HMGN5: variants seen among roughly 807,000 people sequenced by gnomAD.
HMGN5 encodes high mobility group nucleosome-binding domain-containing protein 5.
A neutral mutation model predicts 9.5 loss-of-function variants in HMGN5; 4 were observed. The observed-to-expected ratio is 0.42, with a 90% confidence interval of 0.21 to 0.96. The LOEUF (loss-of-function observed/expected upper bound fraction) is 0.96, where lower values mean the gene tolerates loss of function less well. Among genes scored for constraint, HMGN5 ranks in the 40% least tolerant of loss-of-function variants. The probability of loss-of-function intolerance (pLI) is 0.30; values close to 1 mark genes in which losing one functional copy is unlikely to be tolerated. For missense variants in HMGN5, 192 were observed against 187.5 expected, an observed-to-expected ratio of 1.02 and a Z score of -0.14; for synonymous variants, 55 against 57.1, an observed-to-expected ratio of 0.96 and a Z score of 0.16.
chrX:81,116,302 C>G lies in HMGN5; in HGVS notation c.169G>C (p.Asp57His). 1 of 1,191,628 alleles carries G rather than the reference C, an allele frequency of 8.4e-7. No individual in the cohort carries two copies. ...TKSDMMEENIDTSAQAVAETK... is the reference protein window; with the variant it reads ...TKSDMMEENIHTSAQAVAETK... ...TCAGCAACTGCTTGGGCACTTGTAT[C>G]TATGTTTTCTTCCATCATATCACTT... The change falls in exon 6 of 7, where the codon GAT (aspartate) becomes CAT (histidine). Residue 57 changes from aspartate to histidine, a missense_variant. By Grantham distance (81) the Asp-to-His change is moderately conservative (BLOSUM62 -1). Transcript: ENST00000358130.
chrX:81,186,779 C>A (rs1216316022), intron 1 of HMGN5, among the ~76,000 whole-genome samples: 1 of 111,244 alleles, frequency 9.0e-6, no homozygotes, highest in Admixed American at 9.6e-5. Flanking sequence ...ATAAGCACAT[C>A]TTTACAATAA....
At chrX:81,117,044 TAA>T (rs1052273845) in intron 5 of HMGN5, among the ~76,000 whole-genome samples, 2 of 110,767 alleles carry the variant, frequency 1.8e-5, no homozygotes, top group Non-Finnish European at 3.8e-5. Flanking sequence ...TTTTCATATA[TAA>T]AAAGAGAGTA....
chrX:81,146,219 C>T (rs1429248161), intron 1 of HMGN5, among the ~76,000 whole-genome samples: 1 of 111,935 alleles, frequency 8.9e-6, no homozygotes, highest in African/African-American at 3.2e-5. Context: ...CACCACATCA[C>T]ACTTATTCTA....
intron 1 of HMGN5, among the ~76,000 whole-genome samples, chrX:81,181,965 G>A (rs1020864672): frequency 6.3e-5 from 7 of 111,536 alleles, no homozygotes; most frequent in Non-Finnish European, 5.6e-5. Flanking sequence ...ATATACCTAG[G>A]AGTGGGATTG....
At chrX:81,182,856 TGGAACTGGGTAATG>T (rs2075466681) in intron 1 of HMGN5, among the ~76,000 whole-genome samples, 1 of 111,506 alleles carries the variant, frequency 9.0e-6, no homozygotes, top group South Asian at 3.8e-4. Context: ...ATTGTAGAAG[TGGAACTGGGTAATG>T]GGAACTGGGT....
chrX:81,184,031 C>T (rs1325886975), intron 1 of HMGN5, among the ~76,000 whole-genome samples: 1 of 111,309 alleles, frequency 9.0e-6, no homozygotes, highest in African/African-American at 3.3e-5. Context: ...TTGGGAAGGC[C>T]TGATTGTATT....
At chrX:81,175,693 G>T in intron 1 of HMGN5, among the ~76,000 whole-genome samples, 1 of 110,904 alleles carries the variant, frequency 9.0e-6, no homozygotes, top group African/African-American at 3.3e-5. Flanking sequence ...CAACTCTGTG[G>T]CTCCACCCGC....
chrX:81,159,517 G>A (rs1185434885), intron 1 of HMGN5, among the ~76,000 whole-genome samples: 1 of 111,511 alleles, frequency 9.0e-6, no homozygotes, highest in Non-Finnish European at 1.9e-5. Flanking sequence ...TTTAAGTTGT[G>A]GAGAGTTCAA....
chrX:81,152,329 G>T (rs1336740052), intron 1 of HMGN5, among the ~76,000 whole-genome samples: 2 of 111,706 alleles, frequency 1.8e-5, no homozygotes, highest in African/African-American at 6.5e-5. Flanking sequence ...CAAAAAGTCG[G>T]CAAAGGATAT....
intron 1 of HMGN5, among the ~76,000 whole-genome samples, chrX:81,186,956 C>T: frequency 9.0e-6 from 1 of 111,528 alleles, no homozygotes. Flanking sequence ...TTTACTGATC[C>T]ACCGGTCATT....
At chrX:81,149,312 G>A (rs2075354331) in intron 1 of HMGN5, among the ~76,000 whole-genome samples, 1 of 111,586 alleles carries the variant, frequency 9.0e-6, no homozygotes, top group Non-Finnish European at 1.9e-5. Context: ...AAAAGGATGA[G>A]TTCATGTCCT....
rs971937134 is a variant in HMGN5 at position 81,189,882 on chromosome X, C to T, written c.-124+11855G>A. On this transcript the variant is annotated intron_variant, in intron 1 of 6. Transcript: ENST00000358130. ...ATGTTCCTGTTGCTATACATTCTCA[C>T]CAGCATTTGCTGTTGTCAGTGTTCT... Among the ~76,000 whole-genome samples the T allele has an allele frequency of 2.7e-5, 3 of 112,346 alleles. No individual in the cohort carries two copies. In the East Asian group the frequency reaches 8.4e-4, roughly 32 times the overall value.
intron 4 of HMGN5, 22 bp from the exon 5 acceptor site, chrX:81,118,507 G>A (rs368482724): frequency 2.9e-5 from 33 of 1,128,942 alleles, no homozygotes; most frequent in Non-Finnish European, 3.7e-5. Context: ...TGTGGGAAAA[G>A]AAAAGAAAAG....
At chrX:81,153,700 A>C (rs1162742693) in intron 1 of HMGN5, among the ~76,000 whole-genome samples, 3 of 92,231 alleles carry the variant, frequency 3.3e-5, no homozygotes, top group African/African-American at 8.0e-5. Context: ...TATTAGACTG[A>C]TTAAAAAATT....
At chrX:81,172,731 T>C (rs1452624747) in intron 1 of HMGN5, among the ~76,000 whole-genome samples, 1 of 110,485 alleles carries the variant, frequency 9.1e-6, no homozygotes, top group Non-Finnish European at 1.9e-5. Context: ...AAACATAACA[T>C]GATAAAAAAA....
chrX:81,156,737 A>G (rs1032288046), intron 1 of HMGN5, among the ~76,000 whole-genome samples: 2 of 110,928 alleles, frequency 1.8e-5, no homozygotes, highest in Non-Finnish European at 3.8e-5. Context: ...TAAGTTTACA[A>G]TAATTATCTA....
At chrX:81,116,508 A>T (rs1245486083) in intron 5 of HMGN5, among the ~76,000 whole-genome samples, 167 bp from the exon 6 acceptor site, 1 of 112,535 alleles carries the variant, frequency 8.9e-6, no homozygotes, top group Non-Finnish European at 1.9e-5. Context: ...CTTCATTGTA[A>T]ATTTCATTGT....
intron 1 of HMGN5, among the ~76,000 whole-genome samples, chrX:81,189,883 C>T (rs920501437): frequency 8.9e-6 from 1 of 112,327 alleles, no homozygotes; most frequent in Non-Finnish European, 1.9e-5. Flanking sequence ...ACATTCTCAC[C>T]AGCATTTGCT....
intron 1 of HMGN5, among the ~76,000 whole-genome samples, chrX:81,134,627 A>G (rs1274874340): frequency 3.6e-5 from 4 of 111,494 alleles, no homozygotes; most frequent in Non-Finnish European, 7.6e-5. Context: ...ACACATCGAT[A>G]CATTTATGTG....
Sources: allele counts gnomAD v4.1 joint callset (sites outside exome capture counted in the v4.1 genomes callset), GRCh38; gene constraint gnomAD v4.1.1; transcripts MANE v1.5; gene names NCBI Gene and HGNC (gene_info 2026-07-23, HGNC 2026-07-21).